PID1: variants seen among roughly 807,000 people sequenced by gnomAD.
The protein encoded by PID1 is PTB-containing, cubilin and LRP1-interacting protein.
Under a neutral mutation model 19.1 loss-of-function variants are expected in PID1, and 10 were observed. The observed-to-expected ratio is 0.52, with a 90% CI of 0.32 to 0.89. The LOEUF (loss-of-function observed/expected upper bound fraction) is 0.89, where lower values mean the gene tolerates loss of function less well. PID1 is among the 40% of genes least tolerant of loss of function. The pLI is 0.03. For synonymous variants in PID1, 130 were observed against 116.0 expected, an observed-to-expected ratio of 1.12 and a Z score of -0.78; for missense variants, 248 against 285.3, an observed-to-expected ratio of 0.87 and a Z score of 0.94.
intron 1 of PID1, among the ~76,000 whole-genome samples, chr2:229,157,689 G>A (rs1433301635): frequency 3.9e-5 from 6 of 152,150 alleles, no homozygotes; most frequent in Admixed American, 6.5e-5. Flanking sequence ...GCAGGGGCAC[G>A]CACAGCCCCA....
chr2:229,172,598 T>A (rs1373071148), intron 1 of PID1, among the ~76,000 whole-genome samples: 1 of 152,194 alleles, frequency 6.6e-6, no homozygotes. Context: ...AGGACAGCAG[T>A]CATATTGATT....
At chr2:229,032,669 A>G (rs1693580094) in intron 2 of PID1, among the ~76,000 whole-genome samples, 1 of 152,232 alleles carries the variant, frequency 6.6e-6, no homozygotes, top group Non-Finnish European at 1.5e-5. Context: ...GGTAAATACC[A>G]GCATCTTTTC....
rs192769090 is a variant in PID1, at chr2:229,185,350, T to C, written c.31-29386A>G. On this transcript the variant is annotated intron_variant, in intron 1 of 2. Transcript: ENST00000392055. ...TCGCTATACTCCTATGGATGGCCAA[T>C]TGGTCCATGTGCACACTGATCCCAT... Among the ~76,000 whole-genome samples the C allele has an allele frequency of 1.2e-4, 19 of 152,144 alleles. No individual in the cohort carries two copies. In the East Asian group the frequency reaches 3.5e-3, roughly 28 times the overall value.
At chr2:229,110,854 G>A (rs772056729) in intron 2 of PID1, among the ~76,000 whole-genome samples, 5 of 152,042 alleles carry the variant, frequency 3.3e-5, no homozygotes, top group South Asian at 2.1e-4. Context: ...GCTCACTCAC[G>A]TAGGGCAGAT....
intron 2 of PID1, among the ~76,000 whole-genome samples, chr2:229,072,157 CCAGA>C (rs1183394084): frequency 6.6e-6 from 1 of 152,118 alleles, no homozygotes; most frequent in Non-Finnish European, 1.5e-5. Flanking sequence ...TCACTATGAA[CCAGA>C]CATTTTTCTA....
chr2:229,168,728 C>G (rs1690651962), intron 1 of PID1, among the ~76,000 whole-genome samples: 2 of 146,214 alleles, frequency 1.4e-5, no homozygotes, highest in Non-Finnish European at 3.1e-5. Flanking sequence ...TTCCTTGTTT[C>G]TGTGTGTGTG....
intron 1 of PID1, among the ~76,000 whole-genome samples, chr2:229,159,745 C>A (rs1020775875): frequency 1.3e-5 from 2 of 152,102 alleles, no homozygotes; most frequent in Non-Finnish European, 2.9e-5. Context: ...AGAGACTTGC[C>A]CTTAAGTTTT....
rs1694317363 is a variant in PID1, at chr2:229,065,976, T to C, written c.178-39868A>G. Among the ~76,000 whole-genome samples, 3 of 152,308 alleles carry C rather than the reference T, an allele frequency of 2.0e-5. No individual in the cohort carries two copies. In the South Asian group the frequency reaches 6.2e-4, roughly 32 times the overall value. On this transcript the variant is annotated intron_variant, in intron 2 of 2. Transcript: ENST00000392055. ...AGCATGGAAATAGTATAATTTATAC[T>C]TCTTTATATAATCCAAGGAAAGCCA...
chr2:229,246,895 G>C (rs764223308), intron 1 of PID1, among the ~76,000 whole-genome samples: 65 of 152,252 alleles, frequency 4.3e-4, no homozygotes, highest in Non-Finnish European at 7.5e-4. Flanking sequence ...TTGCAAAATG[G>C]AGAAGGTTTA....
chr2:229,093,181 G>T, intron 2 of PID1, among the ~76,000 whole-genome samples: 1 of 145,864 alleles, frequency 6.9e-6, no homozygotes. Context: ...CACCCAAGCT[G>T]GAAAGCAGTG....
Position 229,024,893 on chromosome 2 carries a change from C to A in PID1, c.*739G>T, listed in dbSNP as rs977968053. On this transcript the variant is annotated 3_prime_UTR_variant, in exon 3 of 3. Transcript: ENST00000392055. ...TGTCCTGCAACATATGCTGAGATTTCATCCCTCTAAGGATGTTAGAAGGGG... is the reference window on the plus strand; with the variant it reads ...TGTCCTGCAACATATGCTGAGATTTAATCCCTCTAAGGATGTTAGAAGGGG... 2 of 152,624 alleles carry A rather than the reference C, an allele frequency of 1.3e-5. No individual in the cohort carries two copies. Among genetic ancestry groups the A allele is most frequent in the African/African-American group, 4.8e-5 (2 of 41,432 alleles). The allele number at this position is 152,624 out of a possible 1,614,324, so 9.5% of individuals were successfully genotyped here. A position where few individuals can be genotyped will look rare whatever the true frequency, so the allele number is the denominator to read the frequency against.
intron 2 of PID1, among the ~76,000 whole-genome samples, chr2:229,130,975 C>T (rs376250120): frequency 8.7e-4 from 132 of 152,200 alleles, no homozygotes; most frequent in Non-Finnish European, 1.4e-3. Context: ...CCTGGGTGCA[C>T]GCCTGTGCCC....
At chr2:229,072,882 T>C (rs1251470377) in intron 2 of PID1, among the ~76,000 whole-genome samples, 2 of 152,280 alleles carry the variant, frequency 1.3e-5, no homozygotes, top group East Asian at 1.9e-4. Context: ...GGTGTTAGAG[T>C]GCTTGTGAAA....
chr2:229,029,232 A>C (rs750544752), intron 2 of PID1, among the ~76,000 whole-genome samples: 6 of 151,964 alleles, frequency 3.9e-5, no homozygotes, highest in Non-Finnish European at 7.4e-5. Flanking sequence ...AGTTGAAAAA[A>C]AGCTTTAAAA....
chr2:229,202,791 T>C (rs999798453), intron 1 of PID1, among the ~76,000 whole-genome samples: 2 of 152,120 alleles, frequency 1.3e-5, no homozygotes, highest in African/African-American at 4.8e-5. Flanking sequence ...CCAATTACAA[T>C]AGGATTTCAT....
At chr2:229,231,297 A>C (rs1022149520) in intron 1 of PID1, among the ~76,000 whole-genome samples, 2 of 152,076 alleles carry the variant, frequency 1.3e-5, no homozygotes, top group Non-Finnish European at 2.9e-5. Flanking sequence ...GTGAACTCAA[A>C]CCCAAGCTGT....
At position 229,249,965 on chromosome 2, in the gene PID1, G is replaced by A. The variant is rs535709638; in HGVS notation, c.30+21049C>T. 7.2e-5 allele frequency among the ~76,000 whole-genome samples: 11 copies of A among 152,348 alleles called. No individual in the cohort carries two copies. The South Asian group carries it at 1.9e-3, about 26-fold the overall frequency. On this transcript the variant is annotated intron_variant, in intron 1 of 2. Coordinates refer to ENST00000392055, the MANE Select transcript of PID1 (RefSeq NM_001100818.2). ...TCTGGAATGTATGGAAGGATGTAGA[G>A]AGAGATGAAGAAGATGGTTTAAGAG... is the stretch of plus-strand genomic sequence containing the variant.
At chr2:229,061,981 G>GT (rs1369754459) in intron 2 of PID1, among the ~76,000 whole-genome samples, 17 of 151,764 alleles carry the variant, frequency 1.1e-4, no homozygotes, top group South Asian at 4.2e-4. Context: ...AGTTGTAACA[G>GT]TTTTTTTTGG....
At chr2:229,159,079 TAA>T (rs915901716) in intron 1 of PID1, among the ~76,000 whole-genome samples, 9 of 152,124 alleles carry the variant, frequency 5.9e-5, no homozygotes, top group African/African-American at 2.2e-4. Context: ...TAAAATTAAT[TAA>T]AAGAGTGTAA....
Sources: allele counts gnomAD v4.1 joint callset (sites outside exome capture counted in the v4.1 genomes callset), GRCh38; gene constraint gnomAD v4.1.1; transcripts MANE v1.5; gene names NCBI Gene and HGNC (gene_info 2026-07-23, HGNC 2026-07-21).